STK32B: variants seen among roughly 807,000 people sequenced by gnomAD.
STK32B encodes serine/threonine kinase 32B.
STK32B carries 43 observed loss-of-function variants against 52.6 expected under a neutral mutation model. The observed-to-expected ratio is 0.82, with a 90% CI of 0.64 to 1.05. The LOEUF (loss-of-function observed/expected upper bound fraction) is 1.05, where lower values mean the gene tolerates loss of function less well. Among genes scored for constraint, STK32B ranks in the 50% least tolerant of loss-of-function variants. STK32B has a pLI of 0.00. For synonymous variants in STK32B, 238 were observed against 204.3 expected (o/e 1.17, Z -1.41); for missense variants, 621 against 534.6 (o/e 1.16, Z -1.59).
chr4:5,443,391 C>T (rs144681332), intron 6 of STK32B, among the ~76,000 whole-genome samples: 2,548 of 152,140 alleles, frequency 0.017, 37 homozygotes, highest in African/African-American at 0.023. Flanking sequence ...TCCAGTTGAT[C>T]GCATCGGCTC....
intron 7 of STK32B, among the ~76,000 whole-genome samples, chr4:5,452,919 G>T (rs1716134998): frequency 6.6e-6 from 1 of 152,010 alleles, no homozygotes; most frequent in Admixed American, 6.6e-5. Flanking sequence ...CTGGTATTCT[G>T]ACACAGCATA....
chr4:5,422,707 C>T (rs1392243970), intron 6 of STK32B, among the ~76,000 whole-genome samples: 1 of 152,138 alleles, frequency 6.6e-6, no homozygotes, highest in Non-Finnish European at 1.5e-5. Context: ...GGGTACTGCT[C>T]TCCCAGTCCT....
At chr4:5,248,932 G>C (rs1577243561) in intron 3 of STK32B, among the ~76,000 whole-genome samples, 2 of 149,892 alleles carry the variant, frequency 1.3e-5, no homozygotes, top group South Asian at 4.3e-4. Flanking sequence ...TTGTGGGGTG[G>C]GGGGAGAGGG....
chr4:5,371,847 C>A (rs191049536), intron 4 of STK32B, among the ~76,000 whole-genome samples: 2 of 152,356 alleles, frequency 1.3e-5, no homozygotes, highest in African/African-American at 2.4e-5. Flanking sequence ...TGACCTCTCT[C>A]TCTGGAGGGA....
intron 3 of STK32B, among the ~76,000 whole-genome samples, chr4:5,233,887 C>G (rs4689207): frequency 0.14 from 21,006 of 151,752 alleles, 1,966 homozygotes; most frequent in African/African-American, 0.24. Flanking sequence ...GGGTCTCTAT[C>G]AGGAAGGCGG....
intron 5 of STK32B, among the ~76,000 whole-genome samples, chr4:5,407,723 A>G (rs950518174): frequency 1.1e-4 from 16 of 152,064 alleles, no homozygotes; most frequent in African/African-American, 4.8e-5. Flanking sequence ...CACTAGTACA[A>G]AAACAGCAAG....
chr4:5,369,523 C>T (rs918795238), intron 4 of STK32B, among the ~76,000 whole-genome samples: 1 of 152,142 alleles, frequency 6.6e-6, no homozygotes, highest in Non-Finnish European at 1.5e-5. Flanking sequence ...TTCTTGCAGG[C>T]AGCTCTGATG....
intron 5 of STK32B, among the ~76,000 whole-genome samples, chr4:5,414,378 T>C (rs1367332309): frequency 6.6e-6 from 1 of 152,176 alleles, no homozygotes; most frequent in African/African-American, 2.4e-5. Context: ...AATACATTAA[T>C]ATTTCTACCG....
At position 5,386,553 on chromosome 4, in the gene STK32B, T is replaced by C. The variant is rs1736268285; in HGVS notation, c.435-11654T>C. ...CTCTCAGCCTCATTGTCTTCATCTG[T>C]AAGGAGAGGGAGAAACACAATTATT... On this transcript the variant is annotated intron_variant, in intron 4 of 11. Coordinates refer to ENST00000282908, the MANE Select transcript of STK32B (RefSeq NM_018401.3). This position sits in a 1 kb window ranked among gnomAD's most constrained non-coding sequence, Gnocchi z 4.5. Among the ~76,000 whole-genome samples, 1 of 152,198 alleles carries C rather than the reference T, an allele frequency of 6.6e-6. No individual in the cohort carries two copies. The highest frequency in any genetic ancestry group is 2.1e-4 in the South Asian group (1 of 4,832).
At chr4:5,166,425 G>C (rs1337539431) in intron 2 of STK32B, among the ~76,000 whole-genome samples, 4 of 150,176 alleles carry the variant, frequency 2.7e-5, no homozygotes, top group African/African-American at 4.9e-5. Context: ...CTCAGAATGT[G>C]GCCTTCTTTG....
chr4:5,112,153 T>C (rs942444900), intron 1 of STK32B, among the ~76,000 whole-genome samples: 2 of 152,154 alleles, frequency 1.3e-5, no homozygotes, highest in African/African-American at 4.8e-5. Context: ...GAGAATGCCC[T>C]ACAGCAAAGA....
At chr4:5,239,700 A>T (rs1724876725) in intron 3 of STK32B, among the ~76,000 whole-genome samples, 1 of 152,146 alleles carries the variant, frequency 6.6e-6, no homozygotes. Context: ...AGGCAAGTTT[A>T]CAAGATGGTG....
At chr4:5,216,565 A>G (rs1364588781) in intron 3 of STK32B, among the ~76,000 whole-genome samples, 1 of 152,192 alleles carries the variant, frequency 6.6e-6, no homozygotes, top group Non-Finnish European at 1.5e-5. Flanking sequence ...GACTGAAAAG[A>G]GGAGGGTGGG....
At chr4:5,295,291 A>G (rs1729125793) in intron 3 of STK32B, among the ~76,000 whole-genome samples, 1 of 152,062 alleles carries the variant, frequency 6.6e-6, no homozygotes. Flanking sequence ...GCCTCATAAA[A>G]CGAGTTATGG....
the STK32B span, among the ~76,000 whole-genome samples, chr4:5,038,653 G>A: frequency 2.0e-5 from 3 of 152,076 alleles, no homozygotes; most frequent in African/African-American, 7.2e-5. Context: ...TAAAAATAAG[G>A]TATAAAATAA....
chr4:5,261,411 G>A (rs1217310787), intron 3 of STK32B, among the ~76,000 whole-genome samples: 3 of 152,194 alleles, frequency 2.0e-5, no homozygotes, highest in African/African-American at 7.2e-5. Flanking sequence ...GAATGGTGTT[G>A]AGGCCCTTAG....
At chr4:5,105,629 T>C (rs1464977476) in intron 1 of STK32B, among the ~76,000 whole-genome samples, 1 of 151,920 alleles carries the variant, frequency 6.6e-6, no homozygotes, top group Non-Finnish European at 1.5e-5. Flanking sequence ...AGTGGCGGGA[T>C]CTTGGCTCAC....
intron 10 of STK32B, 31 bp downstream of exon 10, chr4:5,466,865 A>G: frequency 6.2e-7 from 1 of 1,606,062 alleles, no homozygotes; most frequent in African/African-American, 1.3e-5. Flanking sequence ...GTTCCGGGAG[A>G]GAAATCCTGT....
chr4:5,060,768 G>C (rs1742187549), intron 1 of STK32B, among the ~76,000 whole-genome samples: 1 of 152,140 alleles, frequency 6.6e-6, no homozygotes, highest in Non-Finnish European at 1.5e-5. Context: ...TTATGAGTGA[G>C]TCTTTTGCCA....
Sources: gnomAD v4.1 joint callset for allele counts (sites outside exome capture counted in the v4.1 genomes callset) on GRCh38, gnomAD v4.1.1 for gene constraint, Gnocchi (gnomAD v3.1) non-coding constraint, MANE v1.5 for transcripts, NCBI Gene and HGNC (gene_info 2026-07-23, HGNC 2026-07-21) for gene names.